The following UBE2R2 variants were observed in gnomAD, a reference collection of about 807,000 sequenced individuals.
The protein encoded by UBE2R2 is ubiquitin-conjugating enzyme E2 R2.
In UBE2R2, 1 loss-of-function variant was observed where a neutral mutation model predicts 27.8. That is an observed-to-expected ratio of 0.04 (90% CI 0.01 to 0.17). UBE2R2 has a LOEUF of 0.17. UBE2R2 is among the 10% of genes least tolerant of loss of function. UBE2R2 has a pLI of 1.00. For synonymous variants in UBE2R2, 106 were observed against 113.3 expected (o/e 0.94, Z 0.41); for missense variants, 100 against 291.0 (o/e 0.34, Z 4.78).
chr9:33,823,285 G>A (rs767847981), intron 1 of UBE2R2, among the ~76,000 whole-genome samples: 14 of 151,868 alleles, frequency 9.2e-5, no homozygotes, highest in Non-Finnish European at 1.3e-4. Context: ...TAATCCTCCC[G>A]CCTCAGCCTC....
chr9:33,885,464 A>T (rs1821834910), intron 1 of UBE2R2, among the ~76,000 whole-genome samples: 1 of 152,238 alleles, frequency 6.6e-6, no homozygotes, highest in Admixed American at 6.5e-5. Flanking sequence ...CAAGCTCCAA[A>T]TCCAATCATA....
chr9:33,830,345 C>A (rs575614442), intron 1 of UBE2R2, among the ~76,000 whole-genome samples: 107 of 150,036 alleles, frequency 7.1e-4, no homozygotes, highest in African/African-American at 2.4e-3. Flanking sequence ...TTGGTAGAGA[C>A]GGGGTTTCAC....
intron 1 of UBE2R2, among the ~76,000 whole-genome samples, chr9:33,858,634 G>A (rs890781042): frequency 3.3e-5 from 5 of 151,164 alleles, no homozygotes; most frequent in Admixed American, 1.3e-4. Flanking sequence ...ACTCCTGATA[G>A]AGCTCAAGCA....
At chr9:33,896,294 C>G (rs974760235) in intron 2 of UBE2R2, among the ~76,000 whole-genome samples, 5 of 151,786 alleles carry the variant, frequency 3.3e-5, no homozygotes, top group Admixed American at 6.6e-5. Flanking sequence ...TTTTTCTTTT[C>G]CTTGTCTAAA....
intron 1 of UBE2R2, among the ~76,000 whole-genome samples, chr9:33,845,573 G>A (rs1587440251): frequency 6.6e-6 from 1 of 152,034 alleles, no homozygotes; most frequent in Non-Finnish European, 1.5e-5. Flanking sequence ...TCTTTGACTG[G>A]TATAATCAAA....
chr9:33,876,755 A>C (rs1259066734), intron 1 of UBE2R2, among the ~76,000 whole-genome samples: 3 of 152,132 alleles, frequency 2.0e-5, no homozygotes, highest in Admixed American at 2.0e-4. Flanking sequence ...CTCTACTAAA[A>C]ATACAAAAAA....
At chr9:33,883,933 C>T (rs1256834845) in intron 1 of UBE2R2, among the ~76,000 whole-genome samples, 1 of 151,658 alleles carries the variant, frequency 6.6e-6, no homozygotes, top group African/African-American at 2.4e-5. Context: ...GAGGCCGAGG[C>T]GTGGGGATTG....
chr9:33,909,140 A>ATCG (rs1010122013), intron 3 of UBE2R2, among the ~76,000 whole-genome samples: 5 of 150,390 alleles, frequency 3.3e-5, no homozygotes, highest in Non-Finnish European at 7.4e-5. Context: ...CATCATCATC[A>ATCG]TCGTCGTCGT....
At chr9:33,835,947 T>G (rs1820605042) in intron 1 of UBE2R2, among the ~76,000 whole-genome samples, 2 of 152,196 alleles carry the variant, frequency 1.3e-5, no homozygotes, top group South Asian at 4.1e-4. Flanking sequence ...TAGTGTGATT[T>G]CGTTTTAAGC....
At position 33,919,321 on chromosome 9, in the gene UBE2R2, G is replaced by C. The variant is rs1822739498; in HGVS notation, c.*2084G>C. On this transcript the variant is annotated 3_prime_UTR_variant, in exon 5 of 5. Coordinates refer to ENST00000263228, the MANE Select transcript of UBE2R2 (RefSeq NM_017811.4). ...AAAATGCCCCCAAACCCCCATGCAAGTTTACAGCCAGTAGCTTGGTCTTAT... is the reference window on the plus strand; with the variant it reads ...AAAATGCCCCCAAACCCCCATGCAACTTTACAGCCAGTAGCTTGGTCTTAT... 1.3e-5 allele frequency: 2 copies of C among 151,868 alleles called. No homozygotes were observed. The highest frequency in any genetic ancestry group is 4.8e-5 in the African/African-American group (2 of 41,304). 9.4% of individuals were successfully genotyped at this position (151,868 alleles called of 1,614,324 possible).
At position 33,817,690 on chromosome 9, in the gene UBE2R2, G is replaced by A. The variant is rs1480171346; in HGVS notation, c.-68G>A. ...GAGGGCGAGCGGAGGGGAGGGGCCT[G>A]GTCCGGCCCGGCCGGTGCGTGAGGA... On this transcript the variant is annotated 5_prime_UTR_variant, in exon 1 of 5. Transcript: ENST00000263228. 1.6e-5 allele frequency: 21 copies of A among 1,295,550 alleles called. No individual in the cohort carries two copies. Among genetic ancestry groups the A allele is most frequent in the Admixed American group, 4.5e-5 (1 of 22,348 alleles). The allele number at this position is 1,295,550 out of a possible 1,614,324, so 80.3% of individuals were successfully genotyped here.
At chr9:33,882,788 A>G (rs1283627618) in intron 1 of UBE2R2, among the ~76,000 whole-genome samples, 3 of 152,186 alleles carry the variant, frequency 2.0e-5, no homozygotes, top group Non-Finnish European at 2.9e-5. Context: ...ACATTTTGTC[A>G]TCTGAAAAAG....
chr9:33,836,746 G>A (rs1820621916), intron 1 of UBE2R2, among the ~76,000 whole-genome samples: 1 of 142,274 alleles, frequency 7.0e-6, no homozygotes, highest in Non-Finnish European at 1.5e-5. Flanking sequence ...AACAGAGCAA[G>A]ACTCTTATCT....
rs1822729880 is a variant in UBE2R2 at position 33,919,036 on chromosome 9, T to C, written c.*1799T>C. On this transcript the variant is annotated 3_prime_UTR_variant, in exon 5 of 5. Transcript: ENST00000263228. ...GGGACTGTTTAACAAGCAAGGCTCT[T>C]AGGGGACACTGTTGAGCCTGGTCCC... The C allele has an allele frequency of 6.6e-6, 1 of 152,574 alleles. No individual in the cohort carries two copies. Among genetic ancestry groups the C allele is most frequent in the South Asian group, 2.1e-4 (1 of 4,826 alleles). The allele number at this position is 152,574 out of a possible 1,614,324, so 9.5% of individuals were successfully genotyped here.
At chr9:33,876,613 C>T (rs903976099) in intron 1 of UBE2R2, among the ~76,000 whole-genome samples, 2 of 152,068 alleles carry the variant, frequency 1.3e-5, no homozygotes, top group Non-Finnish European at 2.9e-5. Context: ...AGGCATGATG[C>T]TTTAAAAAAA....
At chr9:33,904,484 C>T (rs1319899949) in intron 3 of UBE2R2, among the ~76,000 whole-genome samples, 3 of 152,152 alleles carry the variant, frequency 2.0e-5, no homozygotes, top group African/African-American at 7.2e-5. Context: ...GTTTTCTTCT[C>T]CATAACCACG....
intron 1 of UBE2R2, among the ~76,000 whole-genome samples, chr9:33,865,736 T>C (rs972110587): frequency 2.0e-5 from 3 of 152,168 alleles, no homozygotes; most frequent in African/African-American, 7.2e-5. Context: ...TACACCATTA[T>C]TACCTTTTCT....
At chr9:33,852,742 C>T (rs898981445) in intron 1 of UBE2R2, among the ~76,000 whole-genome samples, 9 of 151,886 alleles carry the variant, frequency 5.9e-5, no homozygotes, top group East Asian at 1.9e-4. Flanking sequence ...AGTATGGGGC[C>T]GGGTGCAGTG....
At chr9:33,909,412 CG>C (rs1554677410) in intron 3 of UBE2R2, among the ~76,000 whole-genome samples, 1 of 152,152 alleles carries the variant, frequency 6.6e-6, no homozygotes, top group Non-Finnish European at 1.5e-5. Context: ...CGCTTGAACC[CG>C]GGAGGCGGAG....
Sources: gnomAD v4.1 joint callset for allele counts (sites outside exome capture counted in the v4.1 genomes callset) on GRCh38, gnomAD v4.1.1 for gene constraint, MANE v1.5 for transcripts, NCBI Gene and HGNC (gene_info 2026-07-23, HGNC 2026-07-21) for gene names.